The following SLC66A2 variants were observed in gnomAD, a reference collection of about 807,000 sequenced individuals.
SLC66A2 encodes PQ loop repeat containing 1.
A neutral mutation model predicts 25.5 loss-of-function variants in SLC66A2; 23 were observed. That is an observed-to-expected ratio of 0.90 (90% CI 0.65 to 1.28). The LOEUF is 1.28. SLC66A2 is among the 50% of genes most tolerant of loss of function. SLC66A2 has a pLI of 0.00. For synonymous variants in SLC66A2, 193 were observed against 166.5 expected (o/e 1.16, Z -1.23); for missense variants, 396 against 373.1 (o/e 1.06, Z -0.51).
chr18:79,909,706 C>A (rs1599489922), intron 5 of SLC66A2, among the ~76,000 whole-genome samples: 2 of 129,734 alleles, frequency 1.5e-5, no homozygotes, highest in Admixed American at 7.6e-5. Flanking sequence ...CCTTCCCCAC[C>A]ATCTCACAAC....
At chr18:79,912,084 C>CGGAA (rs1983278240) in intron 5 of SLC66A2, among the ~76,000 whole-genome samples, 1 of 21,906 alleles carries the variant, frequency 4.6e-5, no homozygotes, top group Admixed American at 6.8e-4. Context: ...AGGGAGGGGA[C>CGGAA]AAGAGCAGGA....
At chr18:79,928,017 CATTTGCTCAGA>C (rs1986175707) in intron 4 of SLC66A2, among the ~76,000 whole-genome samples, 1 of 152,240 alleles carries the variant, frequency 6.6e-6, no homozygotes, top group Non-Finnish European at 1.5e-5. Flanking sequence ...CCGGGCCCCT[CATTTGCTCAGA>C]GTCTGCTCAG....
rs780670450 is a variant in SLC66A2 at position 79,917,007 on chromosome 18, G to A, written c.608+2177C>T. Reference sequence around the variant, plus strand: ...GACCGACTGCCTGCTCGGTGCTGGGGAGACGCCTGCACATGGAAGTGTGTG... The same window carrying A: ...GACCGACTGCCTGCTCGGTGCTGGGAAGACGCCTGCACATGGAAGTGTGTG... On this transcript the variant is annotated intron_variant, in intron 5 of 5. Coordinates refer to ENST00000397778, the MANE Select transcript of SLC66A2 (RefSeq NM_025078.5). This position sits in a 1 kb window ranked among gnomAD's most constrained non-coding sequence, Gnocchi z 6.0. Among the ~76,000 whole-genome samples the A allele has an allele frequency of 1.3e-5, 2 of 152,250 alleles. No individual in the cohort carries two copies. The highest frequency in any genetic ancestry group is 2.9e-5 in the Non-Finnish European group (2 of 68,030).
intron 4 of SLC66A2, among the ~76,000 whole-genome samples, chr18:79,930,940 G>A (rs1209747344): frequency 1.3e-5 from 2 of 152,150 alleles, no homozygotes; most frequent in Non-Finnish European, 2.9e-5. Flanking sequence ...CATTTAAAAA[G>A]GGAGGAGGAA....
Position 79,903,662 on chromosome 18 carries a change from A to G in SLC66A2, c.*314T>C, listed in dbSNP as rs1302955517. The stretch of plus-strand genomic sequence containing the variant: ...TGGAGCAGGTTCCTGCAGGCCGCCC[A>G]ATGTGTACCTTGGGCTCAGACGGTG... On this transcript the variant is annotated 3_prime_UTR_variant, in exon 6 of 6. Coordinates refer to ENST00000397778, the MANE Select transcript of SLC66A2 (RefSeq NM_025078.5). 7.8e-6 allele frequency: 3 copies of G among 385,076 alleles called. No individual in the cohort carries two copies. The highest frequency in any genetic ancestry group is 1.4e-5 in the Non-Finnish European group (3 of 214,650). The allele number at this position is 385,076 out of a possible 1,614,324, so 23.9% of individuals were successfully genotyped here. A position where few individuals can be genotyped will look rare whatever the true frequency, so the allele number is the denominator to read the frequency against.
intron 2 of SLC66A2, chr18:79,943,710 C>G (rs1235917855): frequency 2.3e-6 from 1 of 428,096 alleles, no homozygotes; most frequent in Non-Finnish European, 4.2e-6. Context: ...TGGTCCCAAA[C>G]CTGCAGCAGG....
rs1395908544 is a variant in SLC66A2, at chr18:79,918,445, GGGCACCGGGGAGGGTCCCCAGTGAGGAGC to G, written c.608+710_608+738del. On this transcript the variant is annotated intron_variant, in intron 5 of 5. Coordinates refer to ENST00000397778, the MANE Select transcript of SLC66A2 (RefSeq NM_025078.5). The surrounding 1 kb of genome is among the most constrained non-coding windows in gnomAD (Gnocchi z 4.0). ...CGGGGGGGGGTCCCCAGTGAGGAGCGGGCACCGGGGAGGGTCCCCAGTGAGGAGCGGCACCGGGGGGTCCCCAGTGAGGA... is the reference window on the plus strand; with the variant it reads ...CGGGGGGGGGTCCCCAGTGAGGAGCGGGCACCGGGGGGTCCCCAGTGAGGA... Among the ~76,000 whole-genome samples, 15 of 149,246 alleles carry G rather than the reference GGGCACCGGGGAGGGTCCCCAGTGAGGAGC, an allele frequency of 1.0e-4. No homozygotes were observed. The highest frequency in any genetic ancestry group is 3.4e-3 in the Middle Eastern group (1 of 290).
chr18:79,931,161 G>A (rs902079360), intron 4 of SLC66A2, among the ~76,000 whole-genome samples: 5 of 152,154 alleles, frequency 3.3e-5, no homozygotes, highest in Non-Finnish European at 7.4e-5. Context: ...CAGCTAAGGG[G>A]AAAAGGCATA....
chr18:79,932,405 AAAC>A (rs1239735889), intron 4 of SLC66A2, among the ~76,000 whole-genome samples: 2 of 152,130 alleles, frequency 1.3e-5, no homozygotes, highest in Non-Finnish European at 2.9e-5. Flanking sequence ...CAGAATAGAA[AAAC>A]AATAAAGAAA....
chr18:79,943,132 T>C (rs1030556341), intron 3 of SLC66A2, among the ~76,000 whole-genome samples, 197 bp downstream of exon 3: 2 of 152,212 alleles, frequency 1.3e-5, no homozygotes, highest in Non-Finnish European at 2.9e-5. Flanking sequence ...GAAACTATTA[T>C]CTTGAATTGC....
intron 5 of SLC66A2, among the ~76,000 whole-genome samples, chr18:79,915,002 G>A (rs1208510965): frequency 6.6e-6 from 1 of 152,240 alleles, no homozygotes; most frequent in South Asian, 2.1e-4. Flanking sequence ...AAATAAGGAC[G>A]TGCGGCACAA....
At chr18:79,908,672 G>C (rs922906865) in intron 5 of SLC66A2, among the ~76,000 whole-genome samples, 4 of 152,112 alleles carry the variant, frequency 2.6e-5, no homozygotes, top group Admixed American at 6.5e-5. Flanking sequence ...ATTTGTCCCT[G>C]ACTCTATTCA....
Position 79,938,335 on chromosome 18 carries a change from C to T in SLC66A2, c.338-4313G>A, listed in dbSNP as rs900844744. ...CACACGAGAGACAGGTGTGCACTCACTCCCAACCGCAGTCAGCCATGGCCT... is the reference window on the plus strand; with the variant it reads ...CACACGAGAGACAGGTGTGCACTCATTCCCAACCGCAGTCAGCCATGGCCT... On this transcript the variant is annotated intron_variant, in intron 3 of 5. Transcript: ENST00000397778. 5.3e-5 allele frequency among the ~76,000 whole-genome samples: 8 copies of T among 152,264 alleles called. No individual in the cohort carries two copies. In the South Asian group the frequency reaches 1.2e-3, roughly 24 times the overall value.
intron 5 of SLC66A2, among the ~76,000 whole-genome samples, chr18:79,916,758 G>C (rs563986967): frequency 2.0e-5 from 3 of 152,232 alleles, no homozygotes; most frequent in Non-Finnish European, 2.9e-5. Context: ...CCCCTCACTC[G>C]GCGGTTTATG....
chr18:79,912,725 G>T (rs921068164), intron 5 of SLC66A2, among the ~76,000 whole-genome samples: 3 of 152,096 alleles, frequency 2.0e-5, no homozygotes, highest in African/African-American at 7.2e-5. Flanking sequence ...TGGCAGCCCC[G>T]TGAGTATGCT....
chr18:79,943,850 G>C (rs1272493390), intron 2 of SLC66A2: 4 of 211,340 alleles, frequency 1.9e-5, no homozygotes, highest in Admixed American at 5.8e-5. Context: ...CCTGCAGCGG[G>C]AGAGACCCGG....
chr18:79,939,649 T>G (rs745720406), intron 3 of SLC66A2, among the ~76,000 whole-genome samples: 5 of 152,120 alleles, frequency 3.3e-5, no homozygotes, highest in Non-Finnish European at 5.9e-5. Flanking sequence ...TCACTGATCA[T>G]TAGAGAAACG....
chr18:79,936,218 C>T (rs1987074324), intron 3 of SLC66A2, among the ~76,000 whole-genome samples: 1 of 152,182 alleles, frequency 6.6e-6, no homozygotes, highest in South Asian at 2.1e-4. Flanking sequence ...TGCCAGACAG[C>T]CTGGGACCAG....
At chr18:79,909,622 G>A (rs184698088) in intron 5 of SLC66A2, among the ~76,000 whole-genome samples, 35 of 59,386 alleles carry the variant, frequency 5.9e-4, no homozygotes, top group African/African-American at 1.7e-3. Context: ...TCTCACCACA[G>A]AGTCCGCAAC....
Sources: allele counts gnomAD v4.1 joint callset (sites outside exome capture counted in the v4.1 genomes callset), GRCh38; gene constraint gnomAD v4.1.1; non-coding constraint Gnocchi (gnomAD v3.1); transcripts MANE v1.5; gene names NCBI Gene and HGNC (gene_info 2026-07-23, HGNC 2026-07-21).